SLC24A2: variants seen among roughly 807,000 people sequenced by gnomAD.
SLC24A2 encodes the protein solute carrier family 24 member 2.
A neutral mutation model predicts 62.0 loss-of-function variants in SLC24A2; 36 were observed. That is an observed-to-expected ratio of 0.58 (90% CI 0.44 to 0.77). The LOEUF is 0.77. Ranked by LOEUF, SLC24A2 falls within the 30% of genes least tolerant of loss-of-function variation. SLC24A2 has a pLI of 0.00. For synonymous variants in SLC24A2, 358 were observed against 294.0 expected (o/e 1.22, Z -2.23); for missense variants, 846 against 817.9 (o/e 1.03, Z -0.42).
At chr9:19,975,129 G>T in the SLC24A2 span, among the ~76,000 whole-genome samples, 1 of 152,132 alleles carries the variant, frequency 6.6e-6, no homozygotes, top group Non-Finnish European at 1.5e-5. Context: ...CACCATGGTT[G>T]GTTTAGGCCA....
chr9:19,675,633 G>A (rs747001211), intron 2 of SLC24A2, among the ~76,000 whole-genome samples: 1 of 152,074 alleles, frequency 6.6e-6, no homozygotes, highest in Admixed American at 6.5e-5. Context: ...CCAGGGAAGT[G>A]GGGGAAAGCC....
chr9:19,983,841 A>T, the SLC24A2 span, among the ~76,000 whole-genome samples: 1 of 152,208 alleles, frequency 6.6e-6, no homozygotes, highest in Non-Finnish European at 1.5e-5. Flanking sequence ...GAAAACAACA[A>T]AACATTGCTG....
At chr9:19,956,237 G>C in the SLC24A2 span, among the ~76,000 whole-genome samples, 8 of 152,190 alleles carry the variant, frequency 5.3e-5, no homozygotes, top group African/African-American at 1.9e-4. Flanking sequence ...AGGGTCAAGA[G>C]GGCCAAAGTT....
chr9:19,549,623 G>A (rs143283386), intron 8 of SLC24A2, among the ~76,000 whole-genome samples: 58 of 152,266 alleles, frequency 3.8e-4, no homozygotes, highest in South Asian at 1.0e-3. Context: ...CCAGTAGACC[G>A]TCCCAGCTGA....
chr9:19,688,144 T>G (rs1348979982), intron 2 of SLC24A2, among the ~76,000 whole-genome samples: 1 of 152,094 alleles, frequency 6.6e-6, no homozygotes, highest in Non-Finnish European at 1.5e-5. Context: ...TGAAGTAAGG[T>G]GCTATTAAAT....
At chr9:20,046,636 C>T in the SLC24A2 span, among the ~76,000 whole-genome samples, 3 of 152,162 alleles carry the variant, frequency 2.0e-5, no homozygotes, top group Non-Finnish European at 4.4e-5. Flanking sequence ...CTCAGAGTTA[C>T]AAGTGAACCT....
intron 4 of SLC24A2, among the ~76,000 whole-genome samples, chr9:19,613,970 T>G (rs1817698506): frequency 6.6e-6 from 1 of 152,292 alleles, no homozygotes; most frequent in South Asian, 2.1e-4. Context: ...AATGAGATGG[T>G]TTATATAAAG....
At chr9:19,699,406 C>G (rs1270300763) in intron 2 of SLC24A2, among the ~76,000 whole-genome samples, 1 of 152,120 alleles carries the variant, frequency 6.6e-6, no homozygotes, top group African/African-American at 2.4e-5. Context: ...TGTTTAGATA[C>G]CAAAGTTGCA....
At chr9:19,592,122 T>G (rs1291428747) in intron 5 of SLC24A2, among the ~76,000 whole-genome samples, 1 of 152,220 alleles carries the variant, frequency 6.6e-6, no homozygotes, top group Non-Finnish European at 1.5e-5. Flanking sequence ...ATACTTTTGT[T>G]TCTTTGAAAT....
the SLC24A2 span, among the ~76,000 whole-genome samples, chr9:19,827,477 C>T: frequency 3.0e-4 from 46 of 151,962 alleles, no homozygotes; most frequent in Non-Finnish European, 5.4e-4. Context: ...AGAGCAAATA[C>T]TTACCAGTGG....
rs1053513438 is a variant in SLC24A2 at position 19,696,205 on chromosome 9, T to C, written c.931-73906A>G. Among the ~76,000 whole-genome samples the C allele has an allele frequency of 2.6e-5, 4 of 152,162 alleles. No homozygotes were observed. In the South Asian group the frequency reaches 6.2e-4, roughly 24 times the overall value. The stretch of plus-strand genomic sequence containing the variant: ...GATGATCTGAGGTGGAACAGTTTCA[T>C]CGCAAAACCATCCTCACCACACCCC... On this transcript the variant is annotated intron_variant, in intron 2 of 10. Transcript: ENST00000341998.
At chr9:20,019,083 GAGAA>G in the SLC24A2 span, among the ~76,000 whole-genome samples, 6 of 105,966 alleles carry the variant, frequency 5.7e-5, no homozygotes, top group African/African-American at 1.4e-4. Flanking sequence ...CAGAGAAAGA[GAGAA>G]AGAAAGAAAG....
chr9:19,780,747 C>T (rs924653187), intron 2 of SLC24A2, among the ~76,000 whole-genome samples: 2 of 151,608 alleles, frequency 1.3e-5, no homozygotes, highest in Non-Finnish European at 2.9e-5. Context: ...GTGGCAGGCA[C>T]CTGTAGTCTC....
the SLC24A2 span, among the ~76,000 whole-genome samples, chr9:20,199,331 G>A: frequency 6.6e-6 from 1 of 152,200 alleles, no homozygotes; most frequent in Non-Finnish European, 1.5e-5. Flanking sequence ...GCACCTATGT[G>A]CTGAGACAGG....
chr9:20,256,674 G>T, the SLC24A2 span, among the ~76,000 whole-genome samples: 1 of 152,052 alleles, frequency 6.6e-6, no homozygotes, highest in Non-Finnish European at 1.5e-5. Flanking sequence ...TAGGTTCAGG[G>T]GAGAGGTTGG....
At chr9:20,046,897 T>G in the SLC24A2 span, among the ~76,000 whole-genome samples, 2 of 152,240 alleles carry the variant, frequency 1.3e-5, no homozygotes, top group Non-Finnish European at 2.9e-5. Flanking sequence ...TTCTATCTAC[T>G]TACTAATAAG....
At chr9:19,628,526 T>C (rs1818092870) in intron 2 of SLC24A2, among the ~76,000 whole-genome samples, 1 of 152,172 alleles carries the variant, frequency 6.6e-6, no homozygotes, top group African/African-American at 2.4e-5. Flanking sequence ...ATCCAGATGT[T>C]CCTAATTTAC....
chr9:19,552,866 G>C (rs1209584359), intron 7 of SLC24A2, among the ~76,000 whole-genome samples: 1 of 152,178 alleles, frequency 6.6e-6, no homozygotes, highest in African/African-American at 2.4e-5. Flanking sequence ...TGTCTGTTTA[G>C]ATGTATAAGC....
the SLC24A2 span, among the ~76,000 whole-genome samples, chr9:19,811,203 A>G: frequency 5.3e-5 from 8 of 152,156 alleles, no homozygotes; most frequent in African/African-American, 1.9e-4. Context: ...TACAATGAGA[A>G]ATTGACAGTC....
Sources: allele counts gnomAD v4.1 joint callset (sites outside exome capture counted in the v4.1 genomes callset), GRCh38; gene constraint gnomAD v4.1.1; transcripts MANE v1.5; gene names NCBI Gene and HGNC (gene_info 2026-07-23, HGNC 2026-07-21).